VAV3: variants seen among roughly 807,000 people sequenced by gnomAD.
The protein encoded by VAV3 is guanine nucleotide exchange factor VAV3.
In VAV3, 94 loss-of-function variants were observed where a neutral mutation model predicts 131.2. That is an observed-to-expected ratio of 0.72 (90% CI 0.61 to 0.85). The LOEUF (loss-of-function observed/expected upper bound fraction) is 0.85, where lower values mean the gene tolerates loss of function less well. Ranked by LOEUF, VAV3 falls within the 40% of genes least tolerant of loss-of-function variation. The pLI is 0.00. For synonymous variants in VAV3, 349 were observed against 342.0 expected (o/e 1.02, Z -0.22); for missense variants, 939 against 1,002.7 (o/e 0.94, Z 0.86).
intron 1 of VAV3, among the ~76,000 whole-genome samples, chr1:107,932,730 G>A (rs961964922): frequency 3.2e-4 from 49 of 152,302 alleles, no homozygotes; most frequent in African/African-American, 1.1e-3. Context: ...TTTGACCACA[G>A]AACAGGAGAA....
chr1:107,720,250 G>A (rs988291762), intron 15 of VAV3, among the ~76,000 whole-genome samples: 3 of 151,756 alleles, frequency 2.0e-5, no homozygotes, highest in Admixed American at 6.6e-5. Flanking sequence ...ACGTATGGTG[G>A]CACATGCCTG....
chr1:107,726,335 G>A (rs1661835006), intron 15 of VAV3, among the ~76,000 whole-genome samples: 2 of 152,164 alleles, frequency 1.3e-5, no homozygotes, highest in Non-Finnish European at 2.9e-5. Flanking sequence ...CCTCACACAA[G>A]CTACAGGAAT....
chr1:107,882,181 G>C (rs1342765965), intron 1 of VAV3, among the ~76,000 whole-genome samples: 2 of 152,144 alleles, frequency 1.3e-5, no homozygotes, highest in African/African-American at 2.4e-5. Context: ...GACATTTCAT[G>C]AGAAGGTCGG....
chr1:107,761,773 G>A (rs1664447563), intron 9 of VAV3, among the ~76,000 whole-genome samples: 1 of 152,020 alleles, frequency 6.6e-6, no homozygotes, highest in African/African-American at 2.4e-5. Flanking sequence ...TATGATTTGT[G>A]CTGTATGCCC....
intron 9 of VAV3, among the ~76,000 whole-genome samples, chr1:107,763,812 C>T (rs1236623995): frequency 6.6e-6 from 1 of 152,052 alleles, no homozygotes; most frequent in Non-Finnish European, 1.5e-5. Flanking sequence ...TGAAATCATG[C>T]CAGAGAGGCA....
chr1:107,668,942 T>C (rs1034924000), intron 19 of VAV3: 7 of 988,864 alleles, frequency 7.1e-6, no homozygotes, highest in Admixed American at 5.9e-5. Flanking sequence ...ACGTGTTTAT[T>C]TGAATTCTCT....
intron 1 of VAV3, among the ~76,000 whole-genome samples, chr1:107,929,808 G>A (rs1673336107): frequency 1.3e-5 from 2 of 152,226 alleles, no homozygotes; most frequent in South Asian, 4.1e-4. Flanking sequence ...ATAGATGAAT[G>A]GATAAAGAAA....
At chr1:107,628,431 C>T (rs1654203661) in intron 20 of VAV3, among the ~76,000 whole-genome samples, 2 of 152,218 alleles carry the variant, frequency 1.3e-5, no homozygotes, top group African/African-American at 4.8e-5. Context: ...GCAGGGAATC[C>T]AGCACCTGGT....
At chr1:107,577,077 G>C (rs1280475830) in intron 25 of VAV3, among the ~76,000 whole-genome samples, 5 of 152,164 alleles carry the variant, frequency 3.3e-5, no homozygotes, top group Non-Finnish European at 7.3e-5. Context: ...CATGTCTATG[G>C]ATGCTCTAAA....
chr1:107,891,818 G>C (rs1671322592), intron 1 of VAV3, among the ~76,000 whole-genome samples: 1 of 126,226 alleles, frequency 7.9e-6, no homozygotes, highest in Non-Finnish European at 1.6e-5. Context: ...CAGCCTGGGG[G>C]ACACAGCAAG....
chr1:107,945,228 G>A (rs1012327387), intron 1 of VAV3, among the ~76,000 whole-genome samples: 3 of 151,988 alleles, frequency 2.0e-5, no homozygotes, highest in African/African-American at 7.3e-5. Context: ...TAACATGAAA[G>A]ATTATATAAG....
At chr1:107,682,611 C>T (rs1658721621) in intron 19 of VAV3, among the ~76,000 whole-genome samples, 1 of 152,152 alleles carries the variant, frequency 6.6e-6, no homozygotes, top group African/African-American at 2.4e-5. Context: ...TCTTAAACAG[C>T]TCATAAACTG....
intron 2 of VAV3, among the ~76,000 whole-genome samples, chr1:107,779,887 A>G (rs917117996): frequency 2.0e-5 from 3 of 152,198 alleles, no homozygotes; most frequent in African/African-American, 7.2e-5. Flanking sequence ...ATTAATTTAA[A>G]TTTTAAAAAC....
At chr1:107,755,623 G>A in intron 11 of VAV3, 110 bp from the exon 12 acceptor site, 1 of 732,246 alleles carries the variant, frequency 1.4e-6, no homozygotes, top group Admixed American at 2.8e-5. Flanking sequence ...AGTAACCACT[G>A]TAACTTTTCA....
At position 107,571,223 on chromosome 1, in the gene VAV3, T is replaced by C. The variant is rs1187784358; in HGVS notation, c.*2108A>G. On this transcript the variant is annotated 3_prime_UTR_variant, in exon 27 of 27. Coordinates refer to ENST00000370056, the MANE Select transcript of VAV3 (RefSeq NM_006113.5). ...AAAATAATACAAAGTGAAATACCAC[T>C]CTAATTCACCGTATTACACGAGGGC... is the stretch of plus-strand genomic sequence containing the variant. 6.6e-6 allele frequency: 1 copy of C among 152,660 alleles called. No homozygotes were observed. Among genetic ancestry groups the C allele is most frequent in the African/African-American group, 2.4e-5 (1 of 41,466 alleles). The allele number at this position is 152,660 out of a possible 1,614,324, so 9.5% of individuals were successfully genotyped here.
chr1:107,902,127 A>C (rs540146930), intron 1 of VAV3, among the ~76,000 whole-genome samples: 2 of 152,302 alleles, frequency 1.3e-5, no homozygotes, highest in Admixed American at 6.5e-5. Flanking sequence ...ATTCAGAGAA[A>C]TATTAAGCAT....
chr1:107,596,307 T>C lies in VAV3; in HGVS notation c.2255A>G (p.Lys752Arg). The change falls in exon 25 of 27, where the codon AAG becomes AGG. Residue 752 changes from lysine to arginine, a missense_variant. Physicochemically the swap from Lys to Arg is conservative, Grantham distance 26. Transcript: ENST00000370056. Reference sequence around the variant, plus strand: ...TGTATCTAAGGTTCTGAACCCTTCCTTGAGAGAATGATGCTTGTAGTACTC... The same window carrying C: ...TGTATCTAAGGTTCTGAACCCTTCCCTGAGAGAATGATGCTTGTAGTACTC... ...LVEYYKHHSL[K>R]EGFRTLDTTL... 1 of 1,613,494 alleles carries C rather than the reference T, an allele frequency of 6.2e-7. No homozygotes were observed. The highest frequency in any genetic ancestry group is 8.5e-7 in the Non-Finnish European group (1 of 1,179,530).
chr1:107,886,691 T>C (rs971506508), intron 1 of VAV3, among the ~76,000 whole-genome samples: 6 of 152,150 alleles, frequency 3.9e-5, no homozygotes, highest in Admixed American at 3.9e-4. Context: ...AAACTTGTAC[T>C]TTCTTCCTTC....
intron 15 of VAV3, among the ~76,000 whole-genome samples, chr1:107,706,286 C>T (rs1244227608): frequency 1.3e-5 from 2 of 152,058 alleles, no homozygotes; most frequent in Non-Finnish European, 2.9e-5. Context: ...CACAGGCAGG[C>T]GACCAGGCAT....
Sources: gnomAD v4.1 joint callset for allele counts (sites outside exome capture counted in the v4.1 genomes callset) on GRCh38, gnomAD v4.1.1 for gene constraint, MANE v1.5 for transcripts, NCBI Gene and HGNC (gene_info 2026-07-23, HGNC 2026-07-21) for gene names.